EPHB4: variants seen among roughly 807,000 people sequenced by gnomAD.
The protein encoded by EPHB4 is ephrin type-B receptor 4.
EPHB4 carries 50 observed loss-of-function variants against 110.6 expected under a neutral mutation model. That is an observed-to-expected ratio of 0.45 (90% CI 0.36 to 0.57). The LOEUF (loss-of-function observed/expected upper bound fraction) is 0.57. Among genes scored for constraint, EPHB4 ranks in the 20% least tolerant of loss-of-function variants. The pLI is 0.00. For synonymous variants in EPHB4, 592 were observed against 578.4 expected (o/e 1.02, Z -0.34); for missense variants, 1,128 against 1,382.1 (o/e 0.82, Z 2.91).
intron 13 of EPHB4, 57 bp downstream of exon 13, chr7:100,807,308 C>T: frequency 6.3e-7 from 1 of 1,579,672 alleles, no homozygotes; most frequent in Non-Finnish European, 8.6e-7. Context: ...ACCTTTCCAA[C>T]CTGCCCTGCC....
In EPHB4 at chr7:100,812,789, G is replaced by A; in HGVS notation, c.2076C>T (p.Leu692=). Residue 692 remains leucine, a synonymous_variant, in exon 12 of 17, where the codon CTC becomes CTT. Coordinates refer to ENST00000358173, the MANE Select transcript of EPHB4 (RefSeq NM_004444.5). ...GGGCGCCGTTCTCCATGAACTCTGT[G>A]AGAATCATGACGGGCATGCTGTTGG... ...VVTNSMPVMI[L]TEFMENGALD... 1 of 1,614,142 alleles carries A rather than the reference G, an allele frequency of 6.2e-7. No individual in the cohort carries two copies. Among genetic ancestry groups the A allele is most frequent in the Non-Finnish European group, 8.5e-7 (1 of 1,180,042 alleles).
chr7:100,826,956 C>T (rs757547484), intron 1 of EPHB4, 23 bp downstream of exon 1: 5 of 1,444,196 alleles, frequency 3.5e-6, no homozygotes, highest in Non-Finnish European at 4.6e-6. Flanking sequence ...ACGGGGTGCG[C>T]CCCCCCCCGC....
chr7:100,805,513 C>A lies in EPHB4; in HGVS notation c.2666G>T (p.Arg889Leu). The A allele has an allele frequency of 6.6e-7, 1 of 1,521,434 alleles. No individual in the cohort carries two copies. Among genetic ancestry groups the A allele is most frequent in the South Asian group, 1.3e-5 (1 of 76,266 alleles). The allele number at this position is 1,521,434 out of a possible 1,614,324, so 94.2% of individuals were successfully genotyped here. A position where few individuals can be genotyped will look rare whatever the true frequency, so the allele number is the denominator to read the frequency against. Residue 889 changes from arginine to leucine, a missense_variant, in exon 15 of 17, where the codon CGG becomes CTG. By Grantham distance (102) the Arg-to-Leu change is moderately radical. Coordinates refer to ENST00000358173, the MANE Select transcript of EPHB4 (RefSeq NM_004444.5). The part of the protein sequence containing the change: ...RNPASLKIVA[R>L]ENGGASHPLL... The stretch of plus-strand genomic sequence containing the variant: ...CTGCAGTCCTCACCCGCCATTCTCC[C>A]GGGCCACGATTTTGAGGCTGGCGGG...
chr7:100,814,130 A>T, intron 8 of EPHB4, 109 bp from the exon 9 acceptor site: 7 of 1,187,590 alleles, frequency 5.9e-6, no homozygotes, highest in African/African-American at 1.5e-5. Context: ...TCCCCAGTAC[A>T]GGGGACAGGT....
At chr7:100,825,950 A>C (rs1415009998) in intron 1 of EPHB4, among the ~76,000 whole-genome samples, 1 of 152,056 alleles carries the variant, frequency 6.6e-6, no homozygotes, top group East Asian at 1.9e-4. Context: ...CCTCACTCCC[A>C]ACCCCACACC....
intron 16 of EPHB4, 57 bp from the exon 17 acceptor site, chr7:100,803,647 C>A (rs1026430537): frequency 4.6e-6 from 7 of 1,534,670 alleles, no homozygotes; most frequent in Non-Finnish European, 6.2e-6. Context: ...CCGCTCTCCT[C>A]TCTTGGCTCC....
chr7:100,823,577 C>A, intron 3 of EPHB4, 67 bp downstream of exon 3: 1 of 1,566,146 alleles, frequency 6.4e-7, no homozygotes, highest in South Asian at 1.2e-5. Context: ...GGCTGCCCTC[C>A]AGGCCACGGG....
intron 8 of EPHB4, among the ~76,000 whole-genome samples, chr7:100,816,061 G>A (rs1813059298): frequency 6.6e-6 from 1 of 151,982 alleles, no homozygotes; most frequent in African/African-American, 2.4e-5. Context: ...AGCCGAGGCG[G>A]GTGGATCAGG....
chr7:100,811,972 G>A (rs947348426), intron 12 of EPHB4, among the ~76,000 whole-genome samples: 1 of 151,360 alleles, frequency 6.6e-6, no homozygotes, highest in African/African-American at 2.4e-5. Flanking sequence ...GGGAGTTCGA[G>A]ACCAGCCTGA....
intron 4 of EPHB4, among the ~76,000 whole-genome samples, chr7:100,821,657 C>T (rs1040767894): frequency 2.0e-5 from 3 of 149,740 alleles, no homozygotes. Flanking sequence ...TTTTTAGAGA[C>T]GGGGTCTTGC....
intron 16 of EPHB4, among the ~76,000 whole-genome samples, chr7:100,803,862 C>T (rs1238194832): frequency 6.6e-6 from 1 of 152,148 alleles, no homozygotes; most frequent in East Asian, 1.9e-4. Flanking sequence ...GAAAAGCCCG[C>T]AAAATGAGAC....
intron 7 of EPHB4, among the ~76,000 whole-genome samples, chr7:100,818,090 TA>T (rs1190535093): frequency 2.0e-5 from 3 of 149,180 alleles, no homozygotes; most frequent in East Asian, 2.0e-4. Context: ...ATGGTCTCGA[TA>T]CTCCTGACCT....
At chr7:100,809,512 G>A (rs946600355) in intron 12 of EPHB4, among the ~76,000 whole-genome samples, 1 of 152,036 alleles carries the variant, frequency 6.6e-6, no homozygotes, top group African/African-American at 2.4e-5. Flanking sequence ...TTTCACCTGT[G>A]CTGGTCTTCC....
chr7:100,817,258 G>A lies in EPHB4; in HGVS notation c.1522C>T (p.Arg508Trp), dbSNP rs778138685. The A allele has an allele frequency of 5.6e-6, 9 of 1,606,890 alleles. No homozygotes were observed. The highest frequency in any genetic ancestry group is 2.3e-5 in the East Asian group (1 of 44,142). Residue 508 changes from arginine (R) to tryptophan (W), a missense_variant, in exon 8 of 17, where the codon CGG becomes TGG. Physicochemically the swap from Arg to Trp is moderately radical, Grantham distance 101 (BLOSUM62 -3). This residue lies in a region of EPHB4 where 728 missense variants were observed against 828.6 expected (regional missense o/e 0.88). Transcript: ENST00000358173. ...CCGTAGCCGGCCTCAGAGCGCGCCC[G>A]TACCTGCACCAGGTAGCTGGCTCCC... Reference protein sequence around the residue: ...KRGASYLVQVRARSEAGYGPF... With the variant: ...KRGASYLVQVWARSEAGYGPF...
In EPHB4 at chr7:100,805,284, A is replaced by G. The variant is rs1258169121; in HGVS notation, c.2716T>C (p.Tyr906His). ...HPLLDQRQPH[Y>H]SAFGSVGEWL... ...TCGCCCACAGAGCCAAAAGCTGAGT[A>G]GTGAGGCTGCCGCTGGTCCAGGAGA... The change falls in exon 16 of 17, where the codon TAC becomes CAC. Residue 906 changes from tyrosine (Y) to histidine (H), a missense_variant. Tyr to His is a moderately conservative substitution (Grantham distance 83, BLOSUM62 2). Around this residue, in one of 3 missense-constraint regions of EPHB4, gnomAD observed 209 missense variants for 240.5 expected, o/e 0.87. Transcript: ENST00000358173. The G allele has an allele frequency of 6.2e-7, 1 of 1,613,644 alleles. No individual in the cohort carries two copies. Among genetic ancestry groups the G allele is most frequent in the Non-Finnish European group, 8.5e-7 (1 of 1,179,884 alleles).
chr7:100,825,916 G>T (rs188247460), intron 1 of EPHB4, among the ~76,000 whole-genome samples: 176 of 151,956 alleles, frequency 1.2e-3, no homozygotes, highest in African/African-American at 4.0e-3. Context: ...CCCCTTCTCC[G>T]TTCTCTGAGC....
chr7:100,817,637 T>C (rs1813109746), intron 7 of EPHB4, among the ~76,000 whole-genome samples: 1 of 152,090 alleles, frequency 6.6e-6, no homozygotes, highest in Non-Finnish European at 1.5e-5. Context: ...CCAGTGATTC[T>C]CCTGTCTCAG....
chr7:100,806,279 T>C (rs1276135673), intron 14 of EPHB4, 141 bp downstream of exon 14: 1 of 1,089,766 alleles, frequency 9.2e-7, no homozygotes, highest in Non-Finnish European at 1.3e-6. Context: ...AACTCTTTGA[T>C]ACAAAGATCA....
At position 100,813,667 on chromosome 7, in the gene EPHB4, A is replaced by T. The variant is rs761026476; in HGVS notation, c.1741T>A (p.Tyr581Asn). ...GGCAACCCACCATGTCCGATGAGAT[A>T]CTGTCCGTGTTTGTCCGAATATTCT... ...EAEYSDKHGQ[Y>N]LIGHGTKVYI... Residue 581 changes from tyrosine (Y) to asparagine (N), a missense_variant, in exon 10 of 17, where the codon TAT (tyrosine) becomes AAT (asparagine). This residue lies in a region of EPHB4 where 728 missense variants were observed against 828.6 expected (regional missense o/e 0.88). Transcript: ENST00000358173. The T allele has an allele frequency of 6.2e-7, 1 of 1,614,136 alleles. No individual in the cohort carries two copies. Among genetic ancestry groups the T allele is most frequent in the Admixed American group, 1.7e-5 (1 of 59,998 alleles).
Sources: gnomAD v4.1 joint callset for allele counts (sites outside exome capture counted in the v4.1 genomes callset) on GRCh38, gnomAD v4.1.1 for gene constraint, gnomAD v4.1.1 regional missense constraint, MANE v1.5 for transcripts, NCBI Gene and HGNC (gene_info 2026-07-23, HGNC 2026-07-21) for gene names.